GATA6: variants seen among roughly 807,000 people sequenced by gnomAD.
GATA6 encodes transcription factor GATA-6.
GATA6 carries 11 observed loss-of-function variants against 48.1 expected under a neutral mutation model. The ratio of observed to expected loss-of-function variants is 0.23; its 90% confidence interval spans 0.14 to 0.38. The LOEUF (loss-of-function observed/expected upper bound fraction) is 0.38. GATA6 is among the 10% of genes least tolerant of loss of function. GATA6 has a pLI of 1.00. For missense variants in GATA6, 795 were observed against 850.3 expected (o/e 0.93, Z 0.81); for synonymous variants, 419 against 396.1 (o/e 1.06, Z -0.69).
At chr18:22,186,744 G>A (rs1363807716) in intron 6 of GATA6, among the ~76,000 whole-genome samples, 2 of 152,220 alleles carry the variant, frequency 1.3e-5, no homozygotes, top group African/African-American at 2.4e-5. Flanking sequence ...TCCAGGATAA[G>A]TTGTCCTAAT....
chr18:22,191,186 A>G (rs2033325056), intron 6 of GATA6, among the ~76,000 whole-genome samples: 1 of 152,120 alleles, frequency 6.6e-6, no homozygotes. Flanking sequence ...ACATATGTCC[A>G]CATAATTTAT....
At position 22,172,195 on chromosome 18, in the gene GATA6, G is replaced by C; in HGVS notation, c.1051G>C (p.Ala351Pro). 2 of 1,433,356 alleles carry C rather than the reference G, an allele frequency of 1.4e-6. No homozygotes were observed. Among genetic ancestry groups the C allele is most frequent in the Non-Finnish European group, 1.8e-6 (2 of 1,083,462 alleles). The allele number at this position is 1,433,356 out of a possible 1,614,324, so 88.8% of individuals were successfully genotyped here. The change falls in exon 2 of 7, where the codon GCC becomes CCC. Residue 351 changes from alanine to proline, a missense_variant. Physicochemically the swap from Ala to Pro is conservative, Grantham distance 27 (BLOSUM62 -1). Coordinates refer to ENST00000269216, the MANE Select transcript of GATA6 (RefSeq NM_005257.6). The surrounding 1 kb of genome is among the most constrained non-coding windows in gnomAD (Gnocchi z 5.2). Reference protein sequence around the residue: ...VGAPLTPAWPAGPFETPVLHS... With the variant: ...VGAPLTPAWPPGPFETPVLHS... ...GGCGCCACTGACGCCTGCCTGGCCC[G>C]CCGGACCCTTCGAGACCCCGGTGCT... is the stretch of plus-strand genomic sequence containing the variant.
In GATA6 at chr18:22,171,811, C is replaced by T; in HGVS notation, c.667C>T (p.Pro223Ser). ...CCACGCGGGCGGCGCGGGCGCGCAC[C>T]CCGGCTGGCCTCAGGCCTCGGCCGA... is the stretch of plus-strand genomic sequence containing the variant. ...ANHAGGAGAH[P>S]GWPQASADSP... Residue 223 changes from proline (P) to serine (S), a missense_variant, in exon 2 of 7, where the codon CCC becomes TCC. Pro to Ser is a moderately conservative substitution (Grantham distance 74). This residue lies in a region of GATA6 where 591 missense variants were observed against 570.0 expected (regional missense o/e 1.04). Coordinates refer to ENST00000269216, the MANE Select transcript of GATA6 (RefSeq NM_005257.6). The surrounding 1 kb of genome is among the most constrained non-coding windows in gnomAD (Gnocchi z 7.1). 1 of 1,287,062 alleles carries T rather than the reference C, an allele frequency of 7.8e-7. No individual in the cohort carries two copies. Among genetic ancestry groups the T allele is most frequent in the Admixed American group, 4.3e-5 (1 of 23,264 alleles). The allele number at this position is 1,287,062 out of a possible 1,614,324, so 79.7% of individuals were successfully genotyped here. A position where few individuals can be genotyped will look rare whatever the true frequency, so the allele number is the denominator to read the frequency against.
intron 6 of GATA6, among the ~76,000 whole-genome samples, chr18:22,189,453 ACTCC>A (rs1240402906): frequency 2.6e-5 from 4 of 151,754 alleles, no homozygotes. Context: ...GCAGATTTAC[ACTCC>A]ACTGTCTTTT....
At chr18:22,192,095 ATT>A (rs2033333809) in intron 6 of GATA6, among the ~76,000 whole-genome samples, 4 of 152,204 alleles carry the variant, frequency 2.6e-5, no homozygotes, top group Admixed American at 2.6e-4. Flanking sequence ...TCAAAAGTTT[ATT>A]CTGGGGGTTC....
chr18:22,200,572 C>A, intron 6 of GATA6, 84 bp from the exon 7 acceptor site: 2 of 1,555,614 alleles, frequency 1.3e-6, no homozygotes, highest in South Asian at 1.1e-5. Flanking sequence ...CAGACCCGTT[C>A]ATTAGCTCCC....
rs1191728439 is a variant in GATA6, at chr18:22,202,370, C to T, written c.*1547C>T. 2.0e-5 allele frequency: 3 copies of T among 152,112 alleles called. No individual in the cohort carries two copies. Among genetic ancestry groups the T allele is most frequent in the African/African-American group, 7.2e-5 (3 of 41,414 alleles). The allele number at this position is 152,112 out of a possible 1,614,324, so 9.4% of individuals were successfully genotyped here. The stretch of plus-strand genomic sequence containing the variant: ...TTCAGTTTTTTCCTTTTGCAACGTG[C>T]CTTGAAGTCTCAAAGCTCACCTGAG... On this transcript the variant is annotated 3_prime_UTR_variant, in exon 7 of 7. Transcript: ENST00000269216.
At chr18:22,188,294 G>A (rs1425387416) in intron 6 of GATA6, among the ~76,000 whole-genome samples, 1 of 152,202 alleles carries the variant, frequency 6.6e-6, no homozygotes, top group Non-Finnish European at 1.5e-5. Flanking sequence ...GTAGGGGTGG[G>A]TAGAGAGAGA....
At chr18:22,199,910 A>C (rs2033435307) in intron 6 of GATA6, among the ~76,000 whole-genome samples, 1 of 151,440 alleles carries the variant, frequency 6.6e-6, no homozygotes, top group Non-Finnish European at 1.5e-5. Context: ...CAAAAAAAAA[A>C]AAAAAAAAAA....
chr18:22,186,459 C>T (rs936025105), intron 6 of GATA6, among the ~76,000 whole-genome samples: 7 of 152,144 alleles, frequency 4.6e-5, no homozygotes, highest in Admixed American at 3.3e-4. Flanking sequence ...AGGAGATCAC[C>T]GGTAGGCATT....
In GATA6 at chr18:22,201,134, A is replaced by T. The variant is rs2033458313; in HGVS notation, c.*311A>T. 2.6e-6 allele frequency: 1 copy of T among 384,944 alleles called. No individual in the cohort carries two copies. The highest frequency in any genetic ancestry group is 4.7e-6 in the Non-Finnish European group (1 of 211,362). The allele number at this position is 384,944 out of a possible 1,614,324, so 23.8% of individuals were successfully genotyped here. Reference sequence around the variant, plus strand: ...TATGGAATATTGAGAGAGATTTTTTAAAAAAGATTTTGCATTTTGTCCAAA... The same window carrying T: ...TATGGAATATTGAGAGAGATTTTTTTAAAAAGATTTTGCATTTTGTCCAAA... On this transcript the variant is annotated 3_prime_UTR_variant, in exon 7 of 7. Coordinates refer to ENST00000269216, the MANE Select transcript of GATA6 (RefSeq NM_005257.6).
rs1464662308 is a variant in GATA6 at position 22,171,510 on chromosome 18, G to A, written c.366G>A (p.Ala122=). Residue 122 remains alanine, a synonymous_variant, in exon 2 of 7, where the codon GCG becomes GCA. Coordinates refer to ENST00000269216, the MANE Select transcript of GATA6 (RefSeq NM_005257.6). This position sits in a 1 kb window ranked among gnomAD's most constrained non-coding sequence, Gnocchi z 7.1. ...TGTTCACTGACCTCGACCAAGCCGC[G>A]ACCGCCAGCAAGCTGCTGTGGTCCA... The part of the protein sequence containing the change: ...LLLFTDLDQA[A]TASKLLWSSR... 1.9e-6 allele frequency: 3 copies of A among 1,603,058 alleles called. No individual in the cohort carries two copies. Among genetic ancestry groups the A allele is most frequent in the South Asian group, 2.2e-5 (2 of 91,058 alleles).
chr18:22,183,982 A>G (rs2033230408), intron 6 of GATA6, among the ~76,000 whole-genome samples: 1 of 152,176 alleles, frequency 6.6e-6, no homozygotes, highest in African/African-American at 2.4e-5. Context: ...TTTTCTCCTG[A>G]AATTATTTGG....
chr18:22,202,492 G>A lies in GATA6; in HGVS notation c.*1669G>A, dbSNP rs969933036. 5 of 152,154 alleles carry A rather than the reference G, an allele frequency of 3.3e-5. No individual in the cohort carries two copies. The highest frequency in any genetic ancestry group is 1.2e-4 in the African/African-American group (5 of 41,434). The allele number at this position is 152,154 out of a possible 1,614,324, so 9.4% of individuals were successfully genotyped here. On this transcript the variant is annotated 3_prime_UTR_variant, in exon 7 of 7. Coordinates refer to ENST00000269216, the MANE Select transcript of GATA6 (RefSeq NM_005257.6). ...TTGAGTAGATTTCAGGAAATCAGGA[G>A]GTGTTTCACAATACAGAATGATGGC...
chr18:22,189,796 A>G (rs888088128), intron 6 of GATA6, among the ~76,000 whole-genome samples: 12 of 152,198 alleles, frequency 7.9e-5, no homozygotes, highest in Admixed American at 2.6e-4. Context: ...TCACTCACTT[A>G]TAAGATAGTG....
chr18:22,183,386 G>T (rs1377928072), intron 6 of GATA6, among the ~76,000 whole-genome samples: 2 of 152,070 alleles, frequency 1.3e-5, no homozygotes, highest in African/African-American at 4.8e-5. Context: ...ATGTATTTCC[G>T]ATGTAGATCA....
Position 22,172,385 on chromosome 18 carries a change from C to T in GATA6, c.1135+106C>T. 6.8e-7 allele frequency: 1 copy of T among 1,461,090 alleles called. No homozygotes were observed. The highest frequency in any genetic ancestry group is 9.0e-7 in the Non-Finnish European group (1 of 1,106,116). The allele number at this position is 1,461,090 out of a possible 1,614,324, so 90.5% of individuals were successfully genotyped here. A position where few individuals can be genotyped will look rare whatever the true frequency, so the allele number is the denominator to read the frequency against. ...GGCCCTGTTTTCAGGACTTTCTCGT[C>T]CGGGTGCGCGGAGGTCGGCCTGGTC... On this transcript the variant is annotated intron_variant, in intron 2 of 6. Transcript: ENST00000269216. This position sits in a 1 kb window ranked among gnomAD's most constrained non-coding sequence, Gnocchi z 5.2.
At chr18:22,173,524 A>C (rs1051218996) in intron 2 of GATA6, among the ~76,000 whole-genome samples, 1 of 152,178 alleles carries the variant, frequency 6.6e-6, no homozygotes. Flanking sequence ...CTTAGGATAA[A>C]ATGGGACATT....
chr18:22,181,699 A>G, intron 4 of GATA6, 121 bp downstream of exon 4: 1 of 957,786 alleles, frequency 1.0e-6, no homozygotes, highest in Non-Finnish European at 1.6e-6. Context: ...CATATAATTT[A>G]TTACTGAATA....
Sources: gnomAD v4.1 joint callset for allele counts (sites outside exome capture counted in the v4.1 genomes callset) on GRCh38, gnomAD v4.1.1 for gene constraint, gnomAD v4.1.1 regional missense constraint, Gnocchi (gnomAD v3.1) non-coding constraint, MANE v1.5 for transcripts, NCBI Gene and HGNC (gene_info 2026-07-23, HGNC 2026-07-21) for gene names.